The following GRIK2 variants were observed in gnomAD, a reference collection of about 807,000 sequenced individuals.
GRIK2 encodes the protein glutamate ionotropic receptor kainate type subunit 2, also known as glutamate receptor ionotropic, kainate 2.
GRIK2 carries 32 observed loss-of-function variants against 100.3 expected under a neutral mutation model. The observed-to-expected ratio is 0.32, with a 90% confidence interval of 0.24 to 0.43. GRIK2 has a LOEUF of 0.43. Ranked by LOEUF, GRIK2 falls within the 20% of genes least tolerant of loss-of-function variation. The pLI is 1.00. For synonymous variants in GRIK2, 417 were observed against 389.4 expected (o/e 1.07, Z -0.83); for missense variants, 843 against 1,114.9 (o/e 0.76, Z 3.47).
chr6:102,033,600 T>C (rs1770114029), intron 14 of GRIK2, among the ~76,000 whole-genome samples: 2 of 151,392 alleles, frequency 1.3e-5, no homozygotes, highest in Non-Finnish European at 3.0e-5. Context: ...ATTCTAAAGT[T>C]ACCTATTTCC....
rs925058985 is a variant in GRIK2 at position 101,399,411 on chromosome 6, C to G, written c.115+19C>G. The G allele has an allele frequency of 1.6e-6, 2 of 1,239,218 alleles. No homozygotes were observed. The highest frequency in any genetic ancestry group is 1.2e-6 in the Non-Finnish European group (1 of 837,390). The allele number at this position is 1,239,218 out of a possible 1,614,324, so 76.8% of individuals were successfully genotyped here. ...AGATTTGGTAAGATTCCCCATCTCT[C>G]TTGGTTGCCTGGTATCCGCTCCCAG... On this transcript the variant is annotated intron_variant, in intron 2 of 16. Coordinates refer to ENST00000369134, the MANE Select transcript of GRIK2 (RefSeq NM_021956.5).
At chr6:101,618,861 C>T (rs1368913924) in intron 2 of GRIK2, among the ~76,000 whole-genome samples, 1 of 151,118 alleles carries the variant, frequency 6.6e-6, no homozygotes, top group Non-Finnish European at 1.5e-5. Context: ...TTTTTCCTGA[C>T]CTTAATGGAA....
intron 4 of GRIK2, among the ~76,000 whole-genome samples, chr6:101,642,207 C>T (rs908413163): frequency 2.2e-4 from 33 of 151,712 alleles, no homozygotes; most frequent in African/African-American, 8.0e-4. Flanking sequence ...TATAACAGTA[C>T]CATAATCTTG....
At chr6:101,701,560 T>A (rs1298513613) in intron 7 of GRIK2, among the ~76,000 whole-genome samples, 4 of 152,112 alleles carry the variant, frequency 2.6e-5, no homozygotes, top group Non-Finnish European at 4.4e-5. Context: ...GAATAAGTGA[T>A]AAATTAAAGA....
intron 10 of GRIK2, among the ~76,000 whole-genome samples, chr6:101,848,985 A>T (rs1046320404): frequency 6.6e-6 from 1 of 152,068 alleles, no homozygotes; most frequent in Non-Finnish European, 1.5e-5. Context: ...TACCCATAAT[A>T]AAAGTAAACC....
chr6:101,493,546 C>T (rs933794062), intron 2 of GRIK2, among the ~76,000 whole-genome samples: 4 of 151,890 alleles, frequency 2.6e-5, no homozygotes, highest in African/African-American at 7.2e-5. Flanking sequence ...TAGAAACATT[C>T]TCAGACCACA....
At chr6:101,639,274 T>C (rs892028033) in intron 4 of GRIK2, among the ~76,000 whole-genome samples, 21 of 152,252 alleles carry the variant, frequency 1.4e-4, no homozygotes, top group African/African-American at 5.1e-4. Context: ...TATCAAGTGA[T>C]CTGCCCTCCT....
At chr6:101,960,523 G>A (rs966972643) in intron 14 of GRIK2, among the ~76,000 whole-genome samples, 9 of 151,988 alleles carry the variant, frequency 5.9e-5, no homozygotes, top group Non-Finnish European at 1.0e-4. Context: ...TCTTGAGGGC[G>A]TAACTGTAAT....
At chr6:101,601,266 G>A (rs552442772) in intron 2 of GRIK2, among the ~76,000 whole-genome samples, 16 of 151,622 alleles carry the variant, frequency 1.1e-4, no homozygotes, top group Non-Finnish European at 2.4e-4. Flanking sequence ...AACCAACCTT[G>A]TATCTCAGGA....
chr6:101,635,742 AT>A (rs1582867875), intron 4 of GRIK2, among the ~76,000 whole-genome samples: 1 of 152,224 alleles, frequency 6.6e-6, no homozygotes, highest in Non-Finnish European at 1.5e-5. Context: ...CAACAAACAT[AT>A]GAAAAAAAGC....
At chr6:101,982,398 CA>C (rs1793764619) in intron 14 of GRIK2, among the ~76,000 whole-genome samples, 1 of 151,772 alleles carries the variant, frequency 6.6e-6, no homozygotes, top group African/African-American at 2.4e-5. Context: ...GCCACTCTAT[CA>C]TGCAGATATG....
intron 2 of GRIK2, among the ~76,000 whole-genome samples, chr6:101,601,614 A>G (rs557737507): frequency 4.8e-4 from 73 of 151,954 alleles, no homozygotes; most frequent in African/African-American, 1.3e-3. Context: ...TCAGAACTCA[A>G]TGTTGATCTG....
intron 2 of GRIK2, among the ~76,000 whole-genome samples, chr6:101,409,108 ATGTGTGTGTGTGTGTGTGTGTGTG>A (rs67806970): frequency 7.2e-6 from 1 of 138,422 alleles, no homozygotes; most frequent in South Asian, 2.4e-4. Flanking sequence ...AACATTGTGT[ATGTGTGTGTGTGTGTGTGTGTGTG>A]TGTGTGTGTG....
At chr6:101,688,430 A>G (rs978692179) in intron 7 of GRIK2, among the ~76,000 whole-genome samples, 3 of 151,940 alleles carry the variant, frequency 2.0e-5, no homozygotes, top group Admixed American at 1.3e-4. Flanking sequence ...AATTTGTGGC[A>G]ACTTATGTAA....
intron 4 of GRIK2, among the ~76,000 whole-genome samples, chr6:101,633,294 C>T (rs375944621): frequency 6.6e-6 from 1 of 152,060 alleles, no homozygotes; most frequent in Non-Finnish European, 1.5e-5. Context: ...CAGAAAAAGA[C>T]ATAGAGGGCC....
intron 2 of GRIK2, among the ~76,000 whole-genome samples, chr6:101,554,314 C>G (rs953745491): frequency 6.6e-6 from 1 of 152,132 alleles, no homozygotes; most frequent in Non-Finnish European, 1.5e-5. Context: ...GTGACCACCC[C>G]AACATGCATT....
intron 10 of GRIK2, among the ~76,000 whole-genome samples, chr6:101,842,974 T>C (rs908222221): frequency 1.3e-5 from 2 of 152,176 alleles, no homozygotes; most frequent in Non-Finnish European, 2.9e-5. Context: ...AAACAAAATG[T>C]TCAGTGAATT....
chr6:101,538,377 A>T (rs1775819931), intron 2 of GRIK2, among the ~76,000 whole-genome samples: 1 of 151,718 alleles, frequency 6.6e-6, no homozygotes, highest in South Asian at 2.1e-4. Context: ...TTCTCATCCG[A>T]ATTTTTCTTA....
At chr6:101,940,750 A>G (rs980934167) in intron 14 of GRIK2, among the ~76,000 whole-genome samples, 2 of 152,196 alleles carry the variant, frequency 1.3e-5, no homozygotes, top group African/African-American at 2.4e-5. Context: ...TTTACTATGT[A>G]AGGCTAAGGA....
Sources: gnomAD v4.1 joint callset for allele counts (sites outside exome capture counted in the v4.1 genomes callset) on GRCh38, gnomAD v4.1.1 for gene constraint, MANE v1.5 for transcripts, NCBI Gene and HGNC (gene_info 2026-07-23, HGNC 2026-07-21) for gene names.